MAGI1: variants seen among roughly 807,000 people sequenced by gnomAD.
MAGI1 encodes membrane associated guanylate kinase, WW and PDZ domain containing 1.
Under a neutral mutation model 139.9 loss-of-function variants are expected in MAGI1, and 58 were observed. The observed-to-expected ratio is 0.41, with a 90% CI of 0.34 to 0.52. MAGI1 has a LOEUF of 0.52. MAGI1 is among the 20% of genes least tolerant of loss of function. The pLI is 0.12. For synonymous variants in MAGI1, 812 were observed against 737.9 expected (o/e 1.10, Z -1.63); for missense variants, 1,874 against 1,901.6 (o/e 0.99, Z 0.27).
chr3:65,846,466 A>C (rs1274535348), intron 1 of MAGI1, among the ~76,000 whole-genome samples: 1 of 152,314 alleles, frequency 6.6e-6, no homozygotes, highest in East Asian at 1.9e-4. Context: ...TCATTTGTAA[A>C]ACAGGGGTCA....
At chr3:65,987,564 C>T (rs557712704) in intron 1 of MAGI1, among the ~76,000 whole-genome samples, 11 of 152,214 alleles carry the variant, frequency 7.2e-5, no homozygotes, top group African/African-American at 2.4e-4. Context: ...TAATGCAATA[C>T]TTTCACTTCT....
At chr3:65,587,821 C>T (rs960268148) in intron 2 of MAGI1, among the ~76,000 whole-genome samples, 1 of 152,058 alleles carries the variant, frequency 6.6e-6, no homozygotes, top group Admixed American at 6.6e-5. Flanking sequence ...AGTTGTAACT[C>T]GACCGACCAG....
chr3:65,634,863 T>C (rs555800535), intron 1 of MAGI1, among the ~76,000 whole-genome samples: 2 of 152,288 alleles, frequency 1.3e-5, no homozygotes, highest in South Asian at 4.2e-4. Flanking sequence ...AATGTCATCA[T>C]TTTGTGGTAA....
intron 1 of MAGI1, among the ~76,000 whole-genome samples, chr3:66,012,587 G>A (rs757176534): frequency 1.2e-4 from 19 of 152,134 alleles, no homozygotes; most frequent in Non-Finnish European, 1.9e-4. Context: ...CCAACATGGC[G>A]AAACCCCATC....
At chr3:65,502,406 G>C (rs116235776) in intron 2 of MAGI1, among the ~76,000 whole-genome samples, 2,478 of 152,288 alleles carry the variant, frequency 0.016, 81 homozygotes, top group African/African-American at 0.056. Flanking sequence ...ATAAGGATTT[G>C]TCTTCGTTAG....
At chr3:65,639,984 C>A (rs540620166) in intron 1 of MAGI1, among the ~76,000 whole-genome samples, 1 of 130,420 alleles carries the variant, frequency 7.7e-6, no homozygotes, top group African/African-American at 3.2e-5. Flanking sequence ...CGCAAAACTC[C>A]GTCTCAAAAA....
chr3:65,573,960 A>G (rs977657645), intron 2 of MAGI1, among the ~76,000 whole-genome samples: 1 of 151,986 alleles, frequency 6.6e-6, no homozygotes, highest in Admixed American at 6.6e-5. Flanking sequence ...CAGTTGAGTA[A>G]TTGCCACAGA....
intron 1 of MAGI1, among the ~76,000 whole-genome samples, chr3:65,918,039 A>G (rs2061990446): frequency 6.6e-6 from 1 of 152,212 alleles, no homozygotes; most frequent in Non-Finnish European, 1.5e-5. Context: ...GAGGGTACAT[A>G]GGAAATCTTT....
At chr3:65,851,515 G>A (rs558309342) in intron 1 of MAGI1, among the ~76,000 whole-genome samples, 145 of 152,126 alleles carry the variant, frequency 9.5e-4, no homozygotes, top group Non-Finnish European at 1.8e-3. Flanking sequence ...TTGGGAGGCC[G>A]AGGTGGGCGG....
At chr3:65,525,151 C>T (rs1286764430) in intron 2 of MAGI1, among the ~76,000 whole-genome samples, 2 of 152,090 alleles carry the variant, frequency 1.3e-5, no homozygotes, top group Non-Finnish European at 2.9e-5. Flanking sequence ...GCACCCATTT[C>T]CAGCTCACTG....
chr3:65,734,159 A>T (rs1018475747), intron 1 of MAGI1, among the ~76,000 whole-genome samples: 1 of 152,170 alleles, frequency 6.6e-6, no homozygotes, highest in Non-Finnish European at 1.5e-5. Flanking sequence ...TTTGCAGGTT[A>T]AAAACATTAT....
chr3:65,580,579 C>A (rs978864336), intron 2 of MAGI1, among the ~76,000 whole-genome samples: 1 of 152,086 alleles, frequency 6.6e-6, no homozygotes, highest in African/African-American at 2.4e-5. Context: ...ACGCAAACAC[C>A]AGGACAATTA....
intron 1 of MAGI1, among the ~76,000 whole-genome samples, chr3:65,838,972 G>A (rs1325419217): frequency 5.3e-5 from 8 of 152,168 alleles, no homozygotes; most frequent in Admixed American, 5.2e-4. Context: ...CTAATGGTTA[G>A]TAATGTTGAA....
intron 1 of MAGI1, among the ~76,000 whole-genome samples, chr3:65,959,605 T>C (rs989662003): frequency 3.4e-4 from 29 of 85,308 alleles, no homozygotes; most frequent in African/African-American, 9.8e-4. Flanking sequence ...AGCATTTTTA[T>C]TATTATTATT....
intron 3 of MAGI1, among the ~76,000 whole-genome samples, chr3:65,488,956 C>T (rs372959796): frequency 1.2e-4 from 19 of 152,156 alleles, no homozygotes; most frequent in Non-Finnish European, 4.4e-5. Context: ...TACAGGTATC[C>T]GCCACCACGC....
intron 15 of MAGI1, 65 bp from the exon 16 acceptor site, chr3:65,382,134 T>A: frequency 7.7e-7 from 1 of 1,306,456 alleles, no homozygotes; most frequent in Non-Finnish European, 1.1e-6. Flanking sequence ...ATCAATAGCC[T>A]TCACATCTCT....
chr3:65,790,228 T>A (rs988564819), intron 1 of MAGI1, among the ~76,000 whole-genome samples: 1 of 152,138 alleles, frequency 6.6e-6, no homozygotes, highest in Admixed American at 6.6e-5. Flanking sequence ...AAAAGAACTA[T>A]AAGACCACTG....
chr3:65,495,406 G>A (rs1033329509), intron 2 of MAGI1, among the ~76,000 whole-genome samples: 1 of 152,060 alleles, frequency 6.6e-6, no homozygotes, highest in Non-Finnish European at 1.5e-5. Context: ...TCAAATCCCA[G>A]TATAATAATC....
chr3:65,754,289 A>C (rs1344466467), intron 1 of MAGI1, among the ~76,000 whole-genome samples: 1 of 152,184 alleles, frequency 6.6e-6, no homozygotes, highest in East Asian at 1.9e-4. Flanking sequence ...TTTACGATTA[A>C]TTTCCATCCT....
Sources: allele counts gnomAD v4.1 joint callset (sites outside exome capture counted in the v4.1 genomes callset), GRCh38; gene constraint gnomAD v4.1.1; transcripts MANE v1.5; gene names NCBI Gene and HGNC (gene_info 2026-07-23, HGNC 2026-07-21).